Variants in CFAP299 observed in about 807,000 individuals in gnomAD.
The protein encoded by CFAP299 is cilia and flagella associated protein 299.
CFAP299 carries 21 observed loss-of-function variants against 27.0 expected under a neutral mutation model. The observed-to-expected ratio is 0.78, with a 90% CI of 0.55 to 1.12. CFAP299 has a LOEUF of 1.12. CFAP299 is among the 50% of genes most tolerant of loss of function. The probability of loss-of-function intolerance (pLI) is 0.00; values close to 1 mark genes in which losing one functional copy is unlikely to be tolerated. For missense variants in CFAP299, 310 were observed against 276.6 expected (o/e 1.12, Z -0.86); for synonymous variants, 104 against 98.1 (o/e 1.06, Z -0.36).
At chr4:80,440,394 G>A in intron 2 of CFAP299, among the ~76,000 whole-genome samples, 1 of 152,146 alleles carries the variant, frequency 6.6e-6, no homozygotes, top group East Asian at 1.9e-4. Context: ...GCCTCCTCTG[G>A]TGTTACTCAG....
chr4:80,499,150 C>T (rs1466436874), intron 2 of CFAP299, among the ~76,000 whole-genome samples: 1 of 152,076 alleles, frequency 6.6e-6, no homozygotes, highest in Admixed American at 6.6e-5. Flanking sequence ...ATGCTTATTA[C>T]CTGGGTGGTG....
At chr4:80,825,719 A>G (rs1209447911) in intron 3 of CFAP299, among the ~76,000 whole-genome samples, 4 of 151,982 alleles carry the variant, frequency 2.6e-5, no homozygotes, top group Non-Finnish European at 4.4e-5. Context: ...TATTACTACT[A>G]GACCTGTTGT....
At chr4:80,875,327 C>T (rs1349437179) in intron 4 of CFAP299, among the ~76,000 whole-genome samples, 1 of 152,150 alleles carries the variant, frequency 6.6e-6, no homozygotes, top group African/African-American at 2.4e-5. Context: ...AAAAATTTCC[C>T]ACAAAATATC....
chr4:80,942,752 T>A (rs1578256548), intron 4 of CFAP299, among the ~76,000 whole-genome samples: 1 of 152,184 alleles, frequency 6.6e-6, no homozygotes, highest in East Asian at 1.9e-4. Flanking sequence ...TCAAGTATTT[T>A]GGTAGAATTA....
intron 2 of CFAP299, chr4:80,387,368 G>A (rs1578384344): frequency 2.3e-6 from 3 of 1,313,588 alleles, no homozygotes; most frequent in Non-Finnish European, 3.3e-6. Context: ...CTTATGCTGG[G>A]TCATGTGAGA....
At chr4:80,328,703 A>T in the CFAP299 span, among the ~76,000 whole-genome samples, 2 of 152,204 alleles carry the variant, frequency 1.3e-5, no homozygotes, top group Non-Finnish European at 2.9e-5. Context: ...GCTTTGTTCC[A>T]GAAAACTGCA....
chr4:80,809,960 A>C (rs1352842720), intron 3 of CFAP299, among the ~76,000 whole-genome samples: 1 of 152,078 alleles, frequency 6.6e-6, no homozygotes, highest in African/African-American at 2.4e-5. Context: ...ATCTTTACCC[A>C]TAAAGTGAAT....
chr4:80,490,459 C>A (rs1731057632), intron 2 of CFAP299, among the ~76,000 whole-genome samples: 1 of 152,176 alleles, frequency 6.6e-6, no homozygotes, highest in South Asian at 2.1e-4. Flanking sequence ...AACATCCATC[C>A]CATAGAATAT....
At position 80,941,217 on chromosome 4, in the gene CFAP299, AT is replaced by A. The variant is rs377081408; in HGVS notation, c.477-3587del. Among the ~76,000 whole-genome samples the A allele has an allele frequency of 4.0e-3, 615 of 152,228 alleles. 1 individual carries two copies. The highest frequency in any genetic ancestry group is 0.014 in the Middle Eastern group (4 of 294). ...GTCTGTACATGTTCAATAAAGACAC[AT>A]TTTTTCCCAAATATTTTTAATCCCG... is the stretch of plus-strand genomic sequence containing the variant. On this transcript the variant is annotated intron_variant, in intron 4 of 5. Transcript: ENST00000358105.
Position 80,955,035 on chromosome 4 carries a change from CG to C in CFAP299, c.607-8481del, listed in dbSNP as rs1737997482. 1.1e-4 allele frequency among the ~76,000 whole-genome samples: 2 copies of C among 18,580 alleles called. 1 individual carries two copies. Among genetic ancestry groups the C allele is most frequent in the Non-Finnish European group, 3.4e-4 (2 of 5,822 alleles). The allele number at this position is 18,580 out of a possible 152,430, so 12.2% of individuals were successfully genotyped here. A position where few individuals can be genotyped will look rare whatever the true frequency, so the allele number is the denominator to read the frequency against. On this transcript the variant is annotated intron_variant, in intron 5 of 5. Transcript: ENST00000358105. ...AAAAAAAAAAAAAAAAAAAAAAAAA[CG>C]CACACATGGCCATATACAGAGTAGT... is the stretch of plus-strand genomic sequence containing the variant.
intron 3 of CFAP299, among the ~76,000 whole-genome samples, chr4:80,814,495 C>A (rs555111295): frequency 6.6e-6 from 1 of 152,000 alleles, no homozygotes; most frequent in African/African-American, 2.4e-5. Context: ...AGCACACATT[C>A]CATAGAAAAA....
At chr4:80,747,102 G>GT (rs1364053449) in intron 3 of CFAP299, among the ~76,000 whole-genome samples, 16 of 151,904 alleles carry the variant, frequency 1.1e-4, no homozygotes, top group Non-Finnish European at 1.9e-4. Flanking sequence ...ATTTAATTTG[G>GT]TTTTGTAAGA....
In CFAP299 at chr4:80,390,997, ATATG is replaced by A. The variant is rs1194177145; in HGVS notation, c.242+28120_242+28123del. Among the ~76,000 whole-genome samples the A allele has an allele frequency of 2.2e-4, 32 of 148,262 alleles. 1 individual carries two copies. The highest frequency in any genetic ancestry group is 7.6e-4 in the African/African-American group (31 of 40,654). ...TATGTACACACATGTATATATGTAT[ATATG>A]TATGTACACACATGTATATATGTAT... On this transcript the variant is annotated intron_variant, in intron 2 of 5. Coordinates refer to ENST00000358105, the MANE Select transcript of CFAP299 (RefSeq NM_152770.3).
At chr4:80,767,394 G>T (rs1431152121) in intron 3 of CFAP299, among the ~76,000 whole-genome samples, 1 of 152,124 alleles carries the variant, frequency 6.6e-6, no homozygotes. Flanking sequence ...TGGATCACGA[G>T]GTCAGGAGAT....
chr4:80,867,232 T>C (rs1237886225), intron 3 of CFAP299, among the ~76,000 whole-genome samples: 30 of 152,160 alleles, frequency 2.0e-4, no homozygotes, highest in Admixed American at 2.0e-3. Context: ...TCCCTAGTAA[T>C]GGTTTTTATG....
At chr4:80,726,932 T>C (rs561803290) in intron 3 of CFAP299, among the ~76,000 whole-genome samples, 10 of 152,176 alleles carry the variant, frequency 6.6e-5, no homozygotes, top group Admixed American at 2.6e-4. Flanking sequence ...GATTAATGTT[T>C]TTCTTTTAGT....
intron 2 of CFAP299, among the ~76,000 whole-genome samples, chr4:80,379,972 C>G (rs1349790436): frequency 6.6e-6 from 1 of 152,088 alleles, no homozygotes. Flanking sequence ...TTCCTGTCTA[C>G]TTATTCTAGC....
intron 2 of CFAP299, among the ~76,000 whole-genome samples, chr4:80,394,187 G>A (rs1399196360): frequency 6.6e-6 from 1 of 152,160 alleles, no homozygotes; most frequent in Non-Finnish European, 1.5e-5. Context: ...ATATTACCCA[G>A]TCTCTGGTAC....
At chr4:80,885,904 T>G (rs527294925) in intron 4 of CFAP299, among the ~76,000 whole-genome samples, 1 of 152,292 alleles carries the variant, frequency 6.6e-6, no homozygotes, top group East Asian at 1.9e-4. Context: ...AGGACCTTGG[T>G]GTCCCTGAGT....
Sources: gnomAD v4.1 joint callset for allele counts (sites outside exome capture counted in the v4.1 genomes callset) on GRCh38, gnomAD v4.1.1 for gene constraint, MANE v1.5 for transcripts, NCBI Gene and HGNC (gene_info 2026-07-23, HGNC 2026-07-21) for gene names.